CYBB: variants seen among roughly 807,000 people sequenced by gnomAD.
The protein encoded by CYBB is NADPH oxidase 2.
In CYBB, 5 loss-of-function variants were observed where a neutral mutation model predicts 46.5. That is an observed-to-expected ratio of 0.11 (90% confidence interval 0.06 to 0.23). CYBB has a LOEUF of 0.23. Ranked by LOEUF, CYBB falls within the 10% of genes least tolerant of loss-of-function variation. CYBB has a pLI of 1.00. For missense variants in CYBB, 307 were observed against 428.3 expected (o/e 0.72, Z 2.50); for synonymous variants, 183 against 156.7 (o/e 1.17, Z -1.26).
chrX:37,792,768 T>C (rs1929224616), intron 4 of CYBB, among the ~76,000 whole-genome samples: 1 of 111,122 alleles, frequency 9.0e-6, no homozygotes, highest in Admixed American at 9.7e-5. Flanking sequence ...AAAATAGGCT[T>C]AGATTACAGG....
chrX:37,808,123 C>T (rs1230171012), intron 11 of CYBB, among the ~76,000 whole-genome samples: 1 of 112,049 alleles, frequency 8.9e-6, no homozygotes, highest in Admixed American at 9.5e-5. Flanking sequence ...TCCATTTGTG[C>T]TGCTATAACA....
chrX:37,798,022 G>T (rs1929350942), intron 6 of CYBB, among the ~76,000 whole-genome samples: 1 of 111,902 alleles, frequency 8.9e-6, no homozygotes, highest in Admixed American at 9.5e-5. Context: ...CTCAATACAT[G>T]ATAATTCTCT....
chrX:37,790,464 G>T (rs1556466653), intron 3 of CYBB, among the ~76,000 whole-genome samples: 1 of 112,033 alleles, frequency 8.9e-6, no homozygotes, highest in Non-Finnish European at 1.9e-5. Flanking sequence ...TGTAAAATGA[G>T]GACATTAAGA....
intron 12 of CYBB, among the ~76,000 whole-genome samples, 155 bp downstream of exon 12, chrX:37,809,846 C>G (rs1419861190): frequency 3.6e-5 from 4 of 111,705 alleles, no homozygotes; most frequent in Non-Finnish European, 7.5e-5. Context: ...CAGATATCTT[C>G]AACTTTAAGA....
At chrX:37,807,214 G>A (rs1158230445) in intron 11 of CYBB, among the ~76,000 whole-genome samples, 2 of 109,752 alleles carry the variant, frequency 1.8e-5, no homozygotes, top group Admixed American at 2.0e-4. Flanking sequence ...TTAGACTTAT[G>A]GTATTTTCAA....
intron 2 of CYBB, among the ~76,000 whole-genome samples, chrX:37,782,738 C>T (rs1928977227): frequency 1.8e-5 from 2 of 111,687 alleles, no homozygotes; most frequent in African/African-American, 3.3e-5. Flanking sequence ...TTTCCTTGAA[C>T]TGTCAGGCCT....
chrX:37,781,391 G>T (rs1326239016), intron 1 of CYBB, among the ~76,000 whole-genome samples: 1 of 112,486 alleles, frequency 8.9e-6, no homozygotes, highest in East Asian at 2.8e-4. Flanking sequence ...ATTATCAAGT[G>T]TCTAGAGCAT....
intron 3 of CYBB, among the ~76,000 whole-genome samples, chrX:37,789,526 A>ATAAATAAATAAATAAATAAAT: frequency 9.6e-6 from 1 of 104,310 alleles, no homozygotes; most frequent in South Asian, 4.1e-4. Context: ...AGAAAGAAAG[A>ATAAATAAATAAATAAATAAAT]AAATAAATAA....
At chrX:37,787,645 G>A (rs1029768537) in intron 3 of CYBB, among the ~76,000 whole-genome samples, 1 of 111,674 alleles carries the variant, frequency 9.0e-6, no homozygotes, top group Admixed American at 9.5e-5. Flanking sequence ...TGGATAATTG[G>A]GAAGTGGCTG....
intron 8 of CYBB, among the ~76,000 whole-genome samples, chrX:37,801,893 G>T (rs1279758493): frequency 9.0e-6 from 1 of 110,536 alleles, no homozygotes; most frequent in Non-Finnish European, 1.9e-5. Flanking sequence ...CAACAAGTTA[G>T]TAAATAAGCT....
chrX:37,786,539 C>T (rs1929070307), intron 3 of CYBB, among the ~76,000 whole-genome samples: 2 of 111,283 alleles, frequency 1.8e-5, no homozygotes, highest in South Asian at 3.7e-4. Flanking sequence ...AGGTCTCAAT[C>T]ATTGAAACTT....
chrX:37,789,672 T>C (rs1929154294), intron 3 of CYBB, among the ~76,000 whole-genome samples: 1 of 111,747 alleles, frequency 8.9e-6, no homozygotes, highest in Non-Finnish European at 1.9e-5. Context: ...AAGGAGGCTA[T>C]ATAAGAAAAC....
At position 37,798,520 on chromosome X, in the gene CYBB, A is replaced by T. The variant is rs182036622; in HGVS notation, c.675-435A>T. Among the ~76,000 whole-genome samples the T allele has an allele frequency of 3.1e-3, 344 of 112,260 alleles. 2 individuals are homozygous for T. Among genetic ancestry groups the T allele is most frequent in the African/African-American group, 0.011 (338 of 30,963 alleles). On this transcript the variant is annotated intron_variant, in intron 6 of 12. Coordinates refer to ENST00000378588, the MANE Select transcript of CYBB (RefSeq NM_000397.4). ...GTGCCTGGCCAAGGACAATAAAGTT[A>T]GCCCACACTTTGATGATTGAGCCCT...
chrX:37,806,473 A>G lies in CYBB; in HGVS notation c.1401A>G (p.Glu467=). The part of the protein sequence containing the change: ...LLQLLESQMQ[E]RNNAGFLSYN... The stretch of plus-strand genomic sequence containing the variant: ...AACTGCTGGAGAGCCAGATGCAGGA[A>G]AGGAACAATGCCGGCTTCCTCAGCT... Residue 467 remains glutamate, a synonymous_variant, in exon 11 of 13, where the codon GAA becomes GAG. Transcript: ENST00000378588. 8.3e-7 allele frequency: 1 copy of G among 1,211,141 alleles called. No homozygotes were observed. The highest frequency in any genetic ancestry group is 1.1e-6 in the Non-Finnish European group (1 of 895,040).
At chrX:37,788,221 T>C (rs1168714928) in intron 3 of CYBB, among the ~76,000 whole-genome samples, 3 of 111,934 alleles carry the variant, frequency 2.7e-5, no homozygotes, top group Non-Finnish European at 5.6e-5. Context: ...AGACAGTGTA[T>C]GTTCCACAAC....
intron 7 of CYBB, among the ~76,000 whole-genome samples, chrX:37,799,660 C>T (rs1362911724): frequency 1.8e-5 from 2 of 111,655 alleles, no homozygotes; most frequent in East Asian, 5.7e-4. Flanking sequence ...GCAAGGGTGA[C>T]CAAGGAAATA....
At chrX:37,783,910 G>A (rs782502622) in intron 3 of CYBB, among the ~76,000 whole-genome samples, 3 of 111,428 alleles carry the variant, frequency 2.7e-5, no homozygotes, top group Non-Finnish European at 5.7e-5. Context: ...TATATACAGA[G>A]CTTTAGGAAG....
chrX:37,804,516 C>T (rs1166814239), intron 9 of CYBB, among the ~76,000 whole-genome samples: 2 of 111,690 alleles, frequency 1.8e-5, no homozygotes, highest in Admixed American at 1.9e-4. Flanking sequence ...CTTTTCCCTG[C>T]ATGCCTAACA....
intron 1 of CYBB, among the ~76,000 whole-genome samples, chrX:37,780,404 C>T: frequency 9.0e-6 from 1 of 111,304 alleles, no homozygotes; most frequent in Non-Finnish European, 1.9e-5. Context: ...TGCTAATGAT[C>T]TCTGATTCTG....
Sources: gnomAD v4.1 joint callset for allele counts (sites outside exome capture counted in the v4.1 genomes callset) on GRCh38, gnomAD v4.1.1 for gene constraint, MANE v1.5 for transcripts, NCBI Gene and HGNC (gene_info 2026-07-23, HGNC 2026-07-21) for gene names.